Variants in DENND1B observed in about 807,000 individuals in gnomAD.
DENND1B encodes the protein DENN domain containing 1B, also known as DENN domain-containing protein 1B.
A neutral mutation model predicts 90.1 loss-of-function variants in DENND1B; 59 were observed. That is an observed-to-expected ratio of 0.65 (90% CI 0.53 to 0.81). The LOEUF (loss-of-function observed/expected upper bound fraction) is 0.81, where lower values mean the gene tolerates loss of function less well. Among genes scored for constraint, DENND1B ranks in the 40% least tolerant of loss-of-function variants. DENND1B has a pLI of 0.00. For synonymous variants in DENND1B, 337 were observed against 324.6 expected (o/e 1.04, Z -0.41); for missense variants, 862 against 912.6 (o/e 0.94, Z 0.71).
At position 197,506,172 on chromosome 1, in the gene DENND1B, AC is replaced by A. The variant is rs1292796137; in HGVS notation, c.*4287del. The A allele has an allele frequency of 2.6e-5, 4 of 151,700 alleles. No individual in the cohort carries two copies. Among genetic ancestry groups the A allele is most frequent in the Non-Finnish European group, 3.0e-5 (2 of 67,706 alleles). The allele number at this position is 151,700 out of a possible 1,614,324, so 9.4% of individuals were successfully genotyped here. ...AAAACAGATGTACATATTTATATGA[AC>A]TAAGTTATGCAAGAAAAATTATTGC... On this transcript the variant is annotated 3_prime_UTR_variant, in exon 23 of 23. Coordinates refer to ENST00000620048, the MANE Select transcript of DENND1B (RefSeq NM_001195215.2).
At chr1:197,625,907 G>A (rs950633661) in intron 10 of DENND1B, among the ~76,000 whole-genome samples, 1 of 152,072 alleles carries the variant, frequency 6.6e-6, no homozygotes, top group South Asian at 2.1e-4. Flanking sequence ...AACCAACAGA[G>A]ATCAAAAGAG....
chr1:197,768,078 A>G (rs1346159430), intron 2 of DENND1B, among the ~76,000 whole-genome samples: 2 of 152,208 alleles, frequency 1.3e-5, no homozygotes, highest in Non-Finnish European at 2.9e-5. Flanking sequence ...AAAAATATCC[A>G]GAATTTTGCC....
chr1:197,543,330 T>C (rs1047567077), intron 18 of DENND1B, among the ~76,000 whole-genome samples: 5 of 152,154 alleles, frequency 3.3e-5, no homozygotes, highest in Admixed American at 2.6e-4. Flanking sequence ...AATTTTAAAA[T>C]AATGAATAGG....
chr1:197,666,963 G>A (rs1655002188), intron 5 of DENND1B, among the ~76,000 whole-genome samples: 1 of 151,932 alleles, frequency 6.6e-6, no homozygotes. Flanking sequence ...GTGAAACCCC[G>A]TCTCTACCAA....
chr1:197,553,859 C>G (rs1302073513), intron 15 of DENND1B, among the ~76,000 whole-genome samples: 3 of 151,964 alleles, frequency 2.0e-5, no homozygotes, highest in Non-Finnish European at 4.4e-5. Context: ...CAATATTTTT[C>G]AGTGTTCTTA....
chr1:197,696,046 T>A (rs1458109934), intron 3 of DENND1B, among the ~76,000 whole-genome samples: 1 of 151,310 alleles, frequency 6.6e-6, no homozygotes, highest in Non-Finnish European at 1.5e-5. Context: ...ATCCTTTTTT[T>A]ATTCAATAAT....
chr1:197,679,403 C>T (rs1308164843), intron 3 of DENND1B, among the ~76,000 whole-genome samples: 1 of 150,966 alleles, frequency 6.6e-6, no homozygotes, highest in Admixed American at 6.6e-5. Context: ...ACTATAACAA[C>T]TATTAATAGA....
chr1:197,701,272 C>T (rs1659000313), intron 3 of DENND1B, among the ~76,000 whole-genome samples: 1 of 152,176 alleles, frequency 6.6e-6, no homozygotes, highest in Non-Finnish European at 1.5e-5. Context: ...AGATAATGTC[C>T]TTTGCAGGGA....
At chr1:197,678,359 A>G (rs527278065) in intron 3 of DENND1B, among the ~76,000 whole-genome samples, 21 of 152,192 alleles carry the variant, frequency 1.4e-4, no homozygotes, top group Non-Finnish European at 2.2e-4. Context: ...ATTTTATTTC[A>G]TATGAATAAC....
chr1:197,746,762 A>T, intron 2 of DENND1B: 1 of 1,383,528 alleles, frequency 7.2e-7, no homozygotes, highest in Non-Finnish European at 1.0e-6. Context: ...TGCATATCCC[A>T]TGTCACTTTG....
chr1:197,527,113 A>C (rs1194157410), intron 20 of DENND1B, among the ~76,000 whole-genome samples: 2 of 152,194 alleles, frequency 1.3e-5, no homozygotes, highest in African/African-American at 2.4e-5. Flanking sequence ...TGTATTTTTC[A>C]AAGTGAACTC....
chr1:197,545,753 C>T (rs573577096), intron 18 of DENND1B, 169 bp downstream of exon 18: 2 of 556,128 alleles, frequency 3.6e-6, no homozygotes, highest in Non-Finnish European at 6.2e-6. Context: ...CCTCTGCATG[C>T]AATGTTATAA....
intron 15 of DENND1B, among the ~76,000 whole-genome samples, chr1:197,575,008 C>T (rs1673532574): frequency 2.0e-5 from 3 of 152,152 alleles, no homozygotes; most frequent in Admixed American, 1.3e-4. Context: ...CTAGGCAATA[C>T]CATTCAGGAC....
At chr1:197,550,612 T>C (rs1671150386) in intron 16 of DENND1B, among the ~76,000 whole-genome samples, 1 of 146,532 alleles carries the variant, frequency 6.8e-6, no homozygotes, top group Non-Finnish European at 1.5e-5. Flanking sequence ...AATTGAACAA[T>C]GAGAACACAT....
chr1:197,658,610 T>A (rs1207358667), intron 5 of DENND1B, among the ~76,000 whole-genome samples: 1 of 151,740 alleles, frequency 6.6e-6, no homozygotes, highest in Non-Finnish European at 1.5e-5. Flanking sequence ...CTATTTTACA[T>A]CAGCAATATT....
intron 3 of DENND1B, among the ~76,000 whole-genome samples, chr1:197,679,975 C>T (rs1275730941): frequency 6.6e-6 from 1 of 151,112 alleles, no homozygotes; most frequent in Non-Finnish European, 1.5e-5. Context: ...CATGGTGAAA[C>T]CCTGTTTCTA....
At chr1:197,578,077 G>A (rs1673849591) in intron 15 of DENND1B, among the ~76,000 whole-genome samples, 1 of 152,124 alleles carries the variant, frequency 6.6e-6, no homozygotes, top group Admixed American at 6.6e-5. Flanking sequence ...ACTGAAAGAA[G>A]GAGTGTCCAG....
intron 14 of DENND1B, among the ~76,000 whole-genome samples, chr1:197,591,813 T>C (rs938454667): frequency 1.3e-5 from 2 of 152,018 alleles, no homozygotes; most frequent in African/African-American, 4.8e-5. Context: ...GAAACATATC[T>C]TAAGAAGTGT....
At chr1:197,597,504 G>T (rs900244695) in intron 13 of DENND1B, among the ~76,000 whole-genome samples, 1 of 151,660 alleles carries the variant, frequency 6.6e-6, no homozygotes, top group African/African-American at 2.4e-5. Flanking sequence ...AATAAAACAT[G>T]AAATTCACAA....
Sources: allele counts gnomAD v4.1 joint callset (sites outside exome capture counted in the v4.1 genomes callset), GRCh38; gene constraint gnomAD v4.1.1; transcripts MANE v1.5; gene names NCBI Gene and HGNC (gene_info 2026-07-23, HGNC 2026-07-21).